The following DNAH8 variants were observed in gnomAD, a reference collection of about 807,000 sequenced individuals.
DNAH8 encodes dynein axonemal heavy chain 8.
In DNAH8, 382 loss-of-function variants were observed where a neutral mutation model predicts 562.1. That is an observed-to-expected ratio of 0.68 (90% CI 0.63 to 0.74). The LOEUF (loss-of-function observed/expected upper bound fraction) is 0.74. Ranked by LOEUF, DNAH8 falls within the 30% of genes least tolerant of loss-of-function variation. DNAH8 has a pLI of 0.00. For synonymous variants in DNAH8, 1,881 were observed against 1,919.4 expected (o/e 0.98, Z 0.52); for missense variants, 5,203 against 5,620.4 (o/e 0.93, Z 2.37).
In DNAH8 at chr6:38,899,817, G is replaced by T. The variant is rs1779955844; in HGVS notation, c.9105G>T (p.Leu3035=). The T allele has an allele frequency of 6.2e-7, 1 of 1,612,890 alleles. No individual in the cohort carries two copies. The highest frequency in any genetic ancestry group is 8.5e-7 in the Non-Finnish European group (1 of 1,179,584). Residue 3035 remains leucine, a synonymous_variant, in exon 62 of 93, where the codon CTG becomes CTT. Coordinates refer to ENST00000327475, the MANE Select transcript of DNAH8 (RefSeq NM_001206927.2). ...GAACGTCGTGTGGAAATGCATTGCTGGTGGGTGTTGGTGGTTCCGGAAAAC... is the reference window on the plus strand; with the variant it reads ...GAACGTCGTGTGGAAATGCATTGCTTGTGGGTGTTGGTGGTTCCGGAAAAC... ...IIRTSCGNAL[L]VGVGGSGKQS... is the part of the protein sequence containing the mutation.
intron 1 of DNAH8, among the ~76,000 whole-genome samples, chr6:38,716,319 G>A (rs1221819340): frequency 1.3e-5 from 2 of 151,738 alleles, no homozygotes; most frequent in East Asian, 1.9e-4. Flanking sequence ...CTCTCCCTCC[G>A]GCTTATTTCC....
chr6:39,022,318 A>C (rs139049897), intron 91 of DNAH8, among the ~76,000 whole-genome samples: 1 of 152,104 alleles, frequency 6.6e-6, no homozygotes. Flanking sequence ...ATCTGCCTTC[A>C]CGGTACTGTC....
At chr6:38,823,135 C>G in intron 27 of DNAH8, 101 bp downstream of exon 27, 1 of 1,047,360 alleles carries the variant, frequency 9.5e-7, no homozygotes, top group Non-Finnish European at 1.3e-6. Flanking sequence ...AACCCATGAG[C>G]AGAGGCCAAG....
chr6:38,887,323 ATATAT>A (rs1166375223), intron 57 of DNAH8, among the ~76,000 whole-genome samples: 2 of 152,364 alleles, frequency 1.3e-5, no homozygotes, highest in East Asian at 3.9e-4. Flanking sequence ...CAGATTAACG[ATATAT>A]TATACAAAGT....
chr6:39,006,437 C>T (rs1423095847), intron 88 of DNAH8, among the ~76,000 whole-genome samples: 2 of 152,006 alleles, frequency 1.3e-5, no homozygotes, highest in East Asian at 1.9e-4. Flanking sequence ...TTGTAGTGTG[C>T]ATCTGAAAAG....
rs570898786 is a variant in DNAH8 at position 38,992,064 on chromosome 6, C to T, written c.13214+1892C>T. 1.2e-4 allele frequency among the ~76,000 whole-genome samples: 19 copies of T among 152,250 alleles called. No homozygotes were observed. In the South Asian group the frequency reaches 4.0e-3, roughly 32 times the overall value. On this transcript the variant is annotated intron_variant, in intron 88 of 92. Coordinates refer to ENST00000327475, the MANE Select transcript of DNAH8 (RefSeq NM_001206927.2). ...CACCACAATCTCCGCCTCTCAGGTTCAAGCGATTCTCCTGCCTCAGCCTCC... is the reference window on the plus strand; with the variant it reads ...CACCACAATCTCCGCCTCTCAGGTTTAAGCGATTCTCCTGCCTCAGCCTCC...
At chr6:38,723,736 C>CA (rs2127565940) in intron 3 of DNAH8, among the ~76,000 whole-genome samples, 2 of 152,024 alleles carry the variant, frequency 1.3e-5, no homozygotes, top group South Asian at 4.1e-4. Flanking sequence ...ATTAGCTGGG[C>CA]ATGGTGGTCC....
rs149558891 is a variant in DNAH8, at chr6:38,868,268, G to A, written c.6828+72G>A. The A allele has an allele frequency of 9.2e-6, 13 of 1,409,214 alleles. No homozygotes were observed. The African/African-American group carries it at 1.3e-4, about 14-fold the overall frequency. 87.3% of individuals were successfully genotyped at this position (1,409,214 alleles called of 1,614,324 possible). A position where few individuals can be genotyped will look rare whatever the true frequency, so the allele number is the denominator to read the frequency against. ...CTTTCTATTTGGTGGACAAGTAGAG[G>A]TAGGCTGATGTTGAGCTGTGAGCAC... On this transcript the variant is annotated intron_variant, in intron 48 of 92. Transcript: ENST00000327475.
At chr6:38,884,224 A>G (rs1778741322) in intron 56 of DNAH8, among the ~76,000 whole-genome samples, 1 of 152,172 alleles carries the variant, frequency 6.6e-6, no homozygotes, top group Admixed American at 6.5e-5. Context: ...GTTTTAGGGT[A>G]CATGTGCACA....
At chr6:38,839,612 C>T (rs1035859073) in intron 33 of DNAH8, among the ~76,000 whole-genome samples, 1 of 152,030 alleles carries the variant, frequency 6.6e-6, no homozygotes, top group Non-Finnish European at 1.5e-5. Flanking sequence ...CCCACCTCGG[C>T]CTCCCATTGT....
At position 38,945,542 on chromosome 6, in the gene DNAH8, T is replaced by G; in HGVS notation, c.12083T>G (p.Leu4028Arg). Residue 4028 changes from leucine (L) to arginine (R), a missense_variant, in exon 80 of 93, where the codon CTT becomes CGT. Physicochemically the swap from Leu to Arg is moderately radical, Grantham distance 102. This residue lies in a region of DNAH8 where 1,399 missense variants were observed against 1,518.4 expected (regional missense o/e 0.92). Coordinates refer to ENST00000327475, the MANE Select transcript of DNAH8 (RefSeq NM_001206927.2). ...RWILDMTWLN[L>R]VELSKLPQFA... ...ATCCTTGACATGACTTGGCTGAATC[T>G]TGTGGAGCTGAGTAAACTTCCACAA... 6.2e-7 allele frequency: 1 copy of G among 1,614,182 alleles called. No individual in the cohort carries two copies. Among genetic ancestry groups the G allele is most frequent in the South Asian group, 1.1e-5 (1 of 91,078 alleles).
In DNAH8 at chr6:38,789,886, T is replaced by A; in HGVS notation, c.2664+3T>A. On this transcript the variant is annotated splice_donor_region_variant and intron_variant, in intron 19 of 92. Coordinates refer to ENST00000327475, the MANE Select transcript of DNAH8 (RefSeq NM_001206927.2). The stretch of plus-strand genomic sequence containing the variant: ...TGATGACCCCAAAAATGAAAAAGGT[T>A]GGTATTGCTGAAGGTTTGTATTGAT... 1 of 1,603,364 alleles carries A rather than the reference T, an allele frequency of 6.2e-7. No homozygotes were observed. Among genetic ancestry groups the A allele is most frequent in the Non-Finnish European group, 8.5e-7 (1 of 1,171,114 alleles).
chr6:38,789,396 T>A (rs148518317), intron 18 of DNAH8, among the ~76,000 whole-genome samples: 1 of 152,182 alleles, frequency 6.6e-6, no homozygotes, highest in Non-Finnish European at 1.5e-5. Context: ...ATTCTGTTTG[T>A]GTGGAAAAGC....
Position 38,890,730 on chromosome 6 carries a change from C to T in DNAH8, c.8552C>T (p.Ser2851Leu), listed in dbSNP as rs1292470887. ...TGTGAGATGATTGTGAATTTAGTCT[C>T]AGTGGGTAGAGTGCTGTGGCAATGG... ...QICEMIVNLV[S>L]VGRVLWQWTK... The change falls in exon 58 of 93, where the codon TCA (serine) becomes TTA (leucine). Residue 2851 changes from serine (S) to leucine (L), a missense_variant. By Grantham distance (145) the Ser-to-Leu change is moderately radical. Around this residue, in one of 6 missense-constraint regions of DNAH8, gnomAD observed 977 missense variants for 1,061.8 expected, o/e 0.92. Transcript: ENST00000327475. The T allele has an allele frequency of 3.1e-6, 5 of 1,613,522 alleles. No homozygotes were observed. Among genetic ancestry groups the T allele is most frequent in the Non-Finnish European group, 4.2e-6 (5 of 1,179,646 alleles).
intron 88 of DNAH8, among the ~76,000 whole-genome samples, chr6:39,004,821 T>C (rs1239630358): frequency 6.6e-6 from 1 of 152,234 alleles, no homozygotes; most frequent in Non-Finnish European, 1.5e-5. Flanking sequence ...TCACTTAACA[T>C]AATGTTTTTG....
At position 38,938,028 on chromosome 6, in the gene DNAH8, C is replaced by T. The variant is rs768419092; in HGVS notation, c.11618C>T (p.Thr3873Ile). 6.2e-7 allele frequency: 1 copy of T among 1,613,940 alleles called. No individual in the cohort carries two copies. Among genetic ancestry groups the T allele is most frequent in the Admixed American group, 1.7e-5 (1 of 60,004 alleles). Residue 3873 changes from threonine to isoleucine, a missense_variant, in exon 78 of 93, where the codon ACA becomes ATA. Coordinates refer to ENST00000327475, the MANE Select transcript of DNAH8 (RefSeq NM_001206927.2). ...GGTGTACTTCGAACTACCAAGCAGA[C>T]AGCAGCTGAGGTAAGTGAAAAGTTG... is the stretch of plus-strand genomic sequence containing the variant. ...LIGVLRTTKQ[T>I]AAEVSEKLHV...
At chr6:38,877,482 G>A (rs1186402099) in intron 53 of DNAH8, among the ~76,000 whole-genome samples, 1 of 152,166 alleles carries the variant, frequency 6.6e-6, no homozygotes, top group Non-Finnish European at 1.5e-5. Context: ...TGGTCCTGAA[G>A]TGGTCTGTTG....
rs552766697 is a variant in DNAH8, at chr6:38,929,525, C to A, written c.11133C>A (p.Asn3711Lys). 10 of 1,611,582 alleles carry A rather than the reference C, an allele frequency of 6.2e-6. No homozygotes were observed. The Admixed American group carries it at 1.3e-4, about 22-fold the overall frequency. Residue 3711 changes from asparagine to lysine, a missense_variant, in exon 75 of 93, where the codon AAC (asparagine) becomes AAA (lysine). Asn to Lys is a moderately conservative substitution (Grantham distance 94). This residue lies in a region of DNAH8 where 1,399 missense variants were observed against 1,518.4 expected (regional missense o/e 0.92). Transcript: ENST00000327475. ...KENDLQVTSL[N>K]HKYFRTHLED... ...TTTCTGTTTAGGTGACATCTCTGAA[C>A]CATAAATATTTTCGCACACACTTGG...
At position 38,991,144 on chromosome 6, in the gene DNAH8, C is replaced by T. The variant is rs141047243; in HGVS notation, c.13214+972C>T. On this transcript the variant is annotated intron_variant, in intron 88 of 92. Coordinates refer to ENST00000327475, the MANE Select transcript of DNAH8 (RefSeq NM_001206927.2). ...TTTGCTGCCAATTTCCTTGTCTTCC[C>T]GCCTCTGACCACCCTCCTAGCTCCC... Among the ~76,000 whole-genome samples the T allele has an allele frequency of 6.0e-3, 910 of 152,320 alleles. 9 individuals carry two copies. Among genetic ancestry groups the T allele is most frequent in the Admixed American group, 7.7e-3 (118 of 15,306 alleles).
Sources: gnomAD v4.1 joint callset for allele counts (sites outside exome capture counted in the v4.1 genomes callset) on GRCh38, gnomAD v4.1.1 for gene constraint, gnomAD v4.1.1 regional missense constraint, MANE v1.5 for transcripts, NCBI Gene and HGNC (gene_info 2026-07-23, HGNC 2026-07-21) for gene names.